GPCPD1: variants seen among roughly 807,000 people sequenced by gnomAD.
GPCPD1 encodes the protein glycerophosphocholine phosphodiesterase 1, also known as glycerophosphocholine phosphodiesterase GPCPD1.
In GPCPD1, 29 loss-of-function variants were observed where a neutral mutation model predicts 89.2. That is an observed-to-expected ratio of 0.33 (90% CI 0.24 to 0.44). The LOEUF (loss-of-function observed/expected upper bound fraction) is 0.44. Ranked by LOEUF, GPCPD1 falls within the 20% of genes least tolerant of loss-of-function variation. GPCPD1 has a pLI of 1.00. For missense variants in GPCPD1, 594 were observed against 808.9 expected (o/e 0.73, Z 3.22); for synonymous variants, 258 against 266.3 (o/e 0.97, Z 0.30).
chr20:5,571,969 T>C (rs73596114), intron 11 of GPCPD1, among the ~76,000 whole-genome samples: 22,418 of 151,606 alleles, frequency 0.15, 1,780 homozygotes, highest in South Asian at 0.19. Context: ...CCTGTAATCT[T>C]AGCACTTAGG....
chr20:5,551,870 AAC>A (rs1232085053), intron 19 of GPCPD1, among the ~76,000 whole-genome samples: 2 of 152,148 alleles, frequency 1.3e-5, no homozygotes, highest in Non-Finnish European at 2.9e-5. Context: ...GATAATTGAA[AAC>A]ACACTCACAC....
chr20:5,584,993 A>T (rs1170113284), intron 5 of GPCPD1: 3 of 152,252 alleles, frequency 2.0e-5, no homozygotes, highest in Non-Finnish European at 4.4e-5. Context: ...AATACTTGCA[A>T]AATGGATGTG....
In GPCPD1 at chr20:5,558,015, C is replaced by T; in HGVS notation, c.1759G>A (p.Asp587Asn). 7 of 1,601,308 alleles carry T rather than the reference C, an allele frequency of 4.4e-6. No individual in the cohort carries two copies. The highest frequency in any genetic ancestry group is 6.0e-6 in the Non-Finnish European group (7 of 1,168,700). ...CTGTTTTCAGGATCATTGGTATCAT[C>T]ACCCCAGCAGAATATGACTAGTCCC... ...AKGLVIFCWGDDTNDPENRRK... is the reference protein window; with the variant it reads ...AKGLVIFCWGNDTNDPENRRK... The change falls in exon 19 of 20, where the codon GAT (aspartate) becomes AAT (asparagine). Residue 587 changes from aspartate to asparagine, a missense_variant. By Grantham distance (23) the Asp-to-Asn change is conservative. Coordinates refer to ENST00000379019, the MANE Select transcript of GPCPD1 (RefSeq NM_019593.5).
At chr20:5,609,750 C>A (rs1013456874) in intron 1 of GPCPD1, among the ~76,000 whole-genome samples, 1 of 147,922 alleles carries the variant, frequency 6.8e-6, no homozygotes, top group Admixed American at 6.9e-5. Context: ...TTCTCTAGCT[C>A]TTGGTTCTTC....
intron 19 of GPCPD1, among the ~76,000 whole-genome samples, chr20:5,556,169 C>T (rs1274384608): frequency 6.6e-6 from 1 of 152,128 alleles, no homozygotes; most frequent in Non-Finnish European, 1.5e-5. Flanking sequence ...TTTTCTCAGA[C>T]ACAACGCTAC....
chr20:5,592,086 A>G (rs940559598), intron 4 of GPCPD1, among the ~76,000 whole-genome samples: 2 of 152,236 alleles, frequency 1.3e-5, no homozygotes, highest in Admixed American at 1.3e-4. Context: ...TGTTGACAAT[A>G]GTCTTACTTT....
At chr20:5,591,441 T>C (rs1979321124) in intron 4 of GPCPD1, among the ~76,000 whole-genome samples, 1 of 152,242 alleles carries the variant, frequency 6.6e-6, no homozygotes, top group Non-Finnish European at 1.5e-5. Flanking sequence ...GTCAACTGGC[T>C]TGTCCATAAT....
chr20:5,552,052 A>G (rs1778260577), intron 19 of GPCPD1, among the ~76,000 whole-genome samples: 1 of 152,228 alleles, frequency 6.6e-6, no homozygotes, highest in East Asian at 1.9e-4. Flanking sequence ...TTGAGGGGAC[A>G]CGGTCTCAGC....
chr20:5,560,335 C>T (rs1015781735), intron 16 of GPCPD1, among the ~76,000 whole-genome samples: 10 of 152,204 alleles, frequency 6.6e-5, no homozygotes, highest in Non-Finnish European at 1.2e-4. Flanking sequence ...ATCATCAATA[C>T]ACTTTTGCAT....
chr20:5,598,389 G>C (rs1052895796), intron 3 of GPCPD1, among the ~76,000 whole-genome samples: 1 of 151,864 alleles, frequency 6.6e-6, no homozygotes, highest in Non-Finnish European at 1.5e-5. Context: ...CTGGGTAACA[G>C]AGTGAGACCC....
intron 5 of GPCPD1, chr20:5,585,217 A>G (rs1390029740): frequency 6.6e-6 from 1 of 152,164 alleles, no homozygotes; most frequent in African/African-American, 2.4e-5. Flanking sequence ...GAATATTATA[A>G]TTTTAAGTAT....
At chr20:5,600,250 A>G (rs190362490) in intron 2 of GPCPD1, among the ~76,000 whole-genome samples, 2 of 152,338 alleles carry the variant, frequency 1.3e-5, no homozygotes, top group Non-Finnish European at 2.9e-5. Flanking sequence ...AGTCATTCAG[A>G]TTTCAGGGCT....
rs556997570 is a variant in GPCPD1, at chr20:5,560,544, A to G, written c.1396-468T>C. On this transcript the variant is annotated intron_variant, in intron 16 of 19. Coordinates refer to ENST00000379019, the MANE Select transcript of GPCPD1 (RefSeq NM_019593.5). ...ACCAAAAATTAATTAAAGTAACTCA[A>G]TAAATATAGCCAAGACACCAAGCCA... Among the ~76,000 whole-genome samples, 3 of 152,334 alleles carry G rather than the reference A, an allele frequency of 2.0e-5. No individual in the cohort carries two copies. The East Asian group carries it at 5.8e-4, about 29-fold the overall frequency.
At chr20:5,582,970 C>CA (rs899041103) in intron 6 of GPCPD1, among the ~76,000 whole-genome samples, 5 of 151,218 alleles carry the variant, frequency 3.3e-5, no homozygotes, top group African/African-American at 1.2e-4. Context: ...TGCGGTGGCA[C>CA]ACGCCTGTAA....
At chr20:5,583,546 A>T (rs1978706625) in intron 6 of GPCPD1, among the ~76,000 whole-genome samples, 1 of 152,180 alleles carries the variant, frequency 6.6e-6, no homozygotes, top group African/African-American at 2.4e-5. Context: ...TAAGAATTCC[A>T]GTCACTGAAG....
chr20:5,575,334 C>A, intron 10 of GPCPD1, 79 bp downstream of exon 10: 1 of 987,642 alleles, frequency 1.0e-6, no homozygotes, highest in Non-Finnish European at 1.5e-6. Context: ...CATCATTTGA[C>A]CTTTGCTGAG....
At chr20:5,599,754 T>C (rs1017993405) in intron 2 of GPCPD1, among the ~76,000 whole-genome samples, 5 of 152,196 alleles carry the variant, frequency 3.3e-5, no homozygotes, top group South Asian at 2.1e-4. Flanking sequence ...GGGGTAACCA[T>C]ATTGGCTAGG....
Position 5,547,850 on chromosome 20 carries a change from C to A in GPCPD1, c.1830G>T (p.Arg610Ser). 6.5e-7 allele frequency: 1 copy of A among 1,546,734 alleles called. No homozygotes were observed. The highest frequency in any genetic ancestry group is 8.9e-7 in the Non-Finnish European group (1 of 1,126,192). ...ELGVNGLIYD[R>S]IYDWMPEQPN... is the part of the protein sequence containing the mutation. ...GTTGTTCAGGCATCCAATCATATATCCTATGATGAAACAAATACAAAACAC... is the reference window on the plus strand; with the variant it reads ...GTTGTTCAGGCATCCAATCATATATACTATGATGAAACAAATACAAAACAC... The change falls in exon 20 of 20, where the codon AGG becomes AGT. Residue 610 changes from arginine to serine, a missense_variant and splice_region_variant. By Grantham distance (110) the Arg-to-Ser change is moderately radical. Transcript: ENST00000379019.
chr20:5,551,839 A>G (rs577390314), intron 19 of GPCPD1, among the ~76,000 whole-genome samples: 134 of 152,312 alleles, frequency 8.8e-4, no homozygotes, highest in Non-Finnish European at 1.8e-3. Flanking sequence ...CCAGAAAATG[A>G]TATGTAGCAG....
Sources: allele counts gnomAD v4.1 joint callset (sites outside exome capture counted in the v4.1 genomes callset), GRCh38; gene constraint gnomAD v4.1.1; transcripts MANE v1.5; gene names NCBI Gene and HGNC (gene_info 2026-07-23, HGNC 2026-07-21).